ETV5: variants seen among roughly 807,000 people sequenced by gnomAD.
ETV5 encodes ETS variant transcription factor 5, also known as ETS translocation variant 5.
Under a neutral mutation model 70.0 loss-of-function variants are expected in ETV5, and 10 were observed. The observed-to-expected ratio is 0.14, with a 90% CI of 0.09 to 0.24. The LOEUF (loss-of-function observed/expected upper bound fraction) is 0.24. Among genes scored for constraint, ETV5 ranks in the 10% least tolerant of loss-of-function variants. The pLI, the probability that ETV5 is intolerant of heterozygous loss-of-function variation, is 1.00. For synonymous variants in ETV5, 216 were observed against 242.2 expected (o/e 0.89, Z 1.01); for missense variants, 453 against 651.2 (o/e 0.70, Z 3.31).
intron 7 of ETV5, chr3:186,079,168 A>G: frequency 2.3e-6 from 2 of 863,392 alleles, no homozygotes; most frequent in Non-Finnish European, 2.9e-6. Flanking sequence ...CTAGAATACC[A>G]CAGATAAAGA....
intron 5 of ETV5, among the ~76,000 whole-genome samples, chr3:186,085,838 C>T (rs916768569): frequency 6.6e-5 from 10 of 152,124 alleles, no homozygotes; most frequent in Admixed American, 1.3e-4. Flanking sequence ...CCTTGCCTCC[C>T]ATTCTAGCAT....
intron 5 of ETV5, among the ~76,000 whole-genome samples, chr3:186,085,850 C>A (rs1316501945): frequency 2.0e-5 from 3 of 152,148 alleles, no homozygotes; most frequent in Non-Finnish European, 2.9e-5. Context: ...TTCTAGCATT[C>A]CATCTAAAAG....
Position 186,080,244 on chromosome 3 carries a change from C to T in ETV5, c.363-140G>A, listed in dbSNP as rs925826176. ...AACATAGTTAAATCGCTCGTAGCCC[C>T]GAGGGGATATTTGTACCTCTGAAAA... On this transcript the variant is annotated intron_variant, in intron 6 of 12. Coordinates refer to ENST00000306376, the MANE Select transcript of ETV5 (RefSeq NM_004454.3). The T allele has an allele frequency of 1.2e-5, 7 of 590,476 alleles. No individual in the cohort carries two copies. The East Asian group carries it at 1.4e-4, about 12-fold the overall frequency. 36.6% of individuals were successfully genotyped at this position (590,476 alleles called of 1,614,324 possible). A position where few individuals can be genotyped will look rare whatever the true frequency, so the allele number is the denominator to read the frequency against.
intron 12 of ETV5, among the ~76,000 whole-genome samples, chr3:186,049,303 C>T (rs1467817557): frequency 6.6e-6 from 1 of 152,196 alleles, no homozygotes; most frequent in Non-Finnish European, 1.5e-5. Flanking sequence ...GAGAGCGAGC[C>T]TGCGCAGAAG....
intron 7 of ETV5, 82 bp from the exon 8 acceptor site, chr3:186,066,154 C>A: frequency 1.6e-6 from 2 of 1,233,986 alleles, no homozygotes; most frequent in Non-Finnish European, 2.2e-6. Flanking sequence ...CTAGAAGTTC[C>A]AATTAATGAA....
intron 5 of ETV5, among the ~76,000 whole-genome samples, chr3:186,095,555 C>T (rs745719820): frequency 1.7e-4 from 26 of 152,192 alleles, no homozygotes; most frequent in Non-Finnish European, 3.5e-4. Flanking sequence ...CAGAACCATT[C>T]CCTTCTATCT....
Position 186,052,596 on chromosome 3 carries a change from A to AG in ETV5, c.1210-466dup, listed in dbSNP as rs1013704917. On this transcript the variant is annotated intron_variant, in intron 11 of 12. Transcript: ENST00000306376. The surrounding 1 kb of genome is among the most constrained non-coding windows in gnomAD (Gnocchi z 4.5). ...AAAAGTTCAATTCTAATAAGATTGG[A>AG]GGGGGGCTGGGAGATGTTTACTTAT... Among the ~76,000 whole-genome samples the AG allele has an allele frequency of 6.6e-6, 1 of 152,150 alleles. No individual in the cohort carries two copies. Among genetic ancestry groups the AG allele is most frequent in the African/African-American group, 2.4e-5 (1 of 41,436 alleles).
chr3:186,091,591 A>G (rs977380705), intron 5 of ETV5, among the ~76,000 whole-genome samples: 3 of 152,214 alleles, frequency 2.0e-5, no homozygotes, highest in Non-Finnish European at 4.4e-5. Flanking sequence ...GATTTCTCCC[A>G]TGCAGTGGGA....
intron 8 of ETV5, 39 bp from the exon 9 acceptor site, chr3:186,064,515 GTTTC>G: frequency 6.2e-7 from 1 of 1,603,556 alleles, no homozygotes; most frequent in Non-Finnish European, 8.5e-7. Context: ...CCTGTCAATA[GTTTC>G]TGCAGCAGAA....
chr3:186,054,453 T>C lies in ETV5; in HGVS notation c.1210-2322A>G, dbSNP rs1713108702. Among the ~76,000 whole-genome samples the C allele has an allele frequency of 6.6e-6, 1 of 152,088 alleles. No individual in the cohort carries two copies. ...CTGCCACATGTTCAACAAACAACCC[T>C]ACCCCCCAAAATATTCATTAATGCA... is the stretch of plus-strand genomic sequence containing the variant. On this transcript the variant is annotated intron_variant, in intron 11 of 12. Transcript: ENST00000306376. This position sits in a 1 kb window ranked among gnomAD's most constrained non-coding sequence, Gnocchi z 4.4.
intron 7 of ETV5, among the ~76,000 whole-genome samples, chr3:186,067,341 A>C (rs1028572825): frequency 6.6e-6 from 1 of 152,272 alleles, no homozygotes; most frequent in Admixed American, 6.5e-5. Flanking sequence ...CTGAGGCAGA[A>C]GAATCGCTTG....
Position 186,079,980 on chromosome 3 carries a change from C to A in ETV5, c.487G>T (p.Ala163Ser). The A allele has an allele frequency of 1.3e-6, 2 of 1,583,472 alleles. No homozygotes were observed. The highest frequency in any genetic ancestry group is 1.2e-5 in the South Asian group (1 of 84,946). Residue 163 changes from alanine (A) to serine (S), a missense_variant, in exon 7 of 13, where the codon GCC (alanine) becomes TCC (serine). This residue lies in a region of ETV5 where 307 missense variants were observed against 344.9 expected (regional missense o/e 0.89). Transcript: ENST00000306376. ...CCTTGAACTGGGCCAGCTGCAGGGGCATGCCCTGAGGTGGGCAGAGTTGCC... is the reference window on the plus strand; with the variant it reads ...CCTTGAACTGGGCCAGCTGCAGGGGAATGCCCTGAGGTGGGCAGAGTTGCC... ...PQATLPTSGHAPAAGPVQGVG... is the reference protein window; with the variant it reads ...PQATLPTSGHSPAAGPVQGVG...
At chr3:186,099,697 C>T (rs149083453) in intron 5 of ETV5, among the ~76,000 whole-genome samples, 2 of 152,190 alleles carry the variant, frequency 1.3e-5, no homozygotes, top group Non-Finnish European at 2.9e-5. Flanking sequence ...GGAGACAGTA[C>T]ACATTTTCGG....
In ETV5 at chr3:186,048,595, G is replaced by A; in HGVS notation, c.*44C>T. The A allele has an allele frequency of 6.4e-7, 1 of 1,551,408 alleles. No individual in the cohort carries two copies. Among genetic ancestry groups the A allele is most frequent in the Non-Finnish European group, 8.9e-7 (1 of 1,124,338 alleles). ...ACCACTGCCCTTGTTTGCCTGAATG[G>A]GAACTGCTAGCTCTAGGGTTTGGCC... is the stretch of plus-strand genomic sequence containing the variant. On this transcript the variant is annotated 3_prime_UTR_variant, in exon 13 of 13. Coordinates refer to ENST00000306376, the MANE Select transcript of ETV5 (RefSeq NM_004454.3).
At chr3:186,087,373 T>A (rs1026679561) in intron 5 of ETV5, among the ~76,000 whole-genome samples, 1 of 152,004 alleles carries the variant, frequency 6.6e-6, no homozygotes, top group African/African-American at 2.4e-5. Context: ...GGCACAGGAG[T>A]CTTCTTATAG....
At chr3:186,074,336 T>C (rs1220478388) in intron 7 of ETV5, among the ~76,000 whole-genome samples, 5 of 152,168 alleles carry the variant, frequency 3.3e-5, no homozygotes, top group African/African-American at 1.2e-4. Context: ...TAATTAAAAA[T>C]CTTCCTACAA....
At chr3:186,049,252 C>T (rs1479644954) in intron 12 of ETV5, among the ~76,000 whole-genome samples, 1 of 152,186 alleles carries the variant, frequency 6.6e-6, no homozygotes, top group African/African-American at 2.4e-5. Flanking sequence ...TTACAGTCTT[C>T]ACAGTATGGC....
intron 7 of ETV5, chr3:186,078,939 T>G (rs942037334): frequency 4.5e-6 from 2 of 444,964 alleles, no homozygotes; most frequent in South Asian, 2.1e-4. Flanking sequence ...GGACCAGGCC[T>G]GGGAAAGGTA....
chr3:186,054,812 G>T lies in ETV5; in HGVS notation c.1209+2263C>A. On this transcript the variant is annotated intron_variant, in intron 11 of 12. Transcript: ENST00000306376. This position sits in a 1 kb window ranked among gnomAD's most constrained non-coding sequence, Gnocchi z 4.4. ...CCCTCACAGGTATACAAGGAGGGGT[G>T]GGGGGAGCTCAGCAAATGTCACCTG... Among the ~76,000 whole-genome samples the T allele has an allele frequency of 6.6e-6, 1 of 152,236 alleles. No individual in the cohort carries two copies. Among genetic ancestry groups the T allele is most frequent in the East Asian group, 1.9e-4 (1 of 5,184 alleles).
Sources: gnomAD v4.1 joint callset for allele counts (sites outside exome capture counted in the v4.1 genomes callset) on GRCh38, gnomAD v4.1.1 for gene constraint, gnomAD v4.1.1 regional missense constraint, Gnocchi (gnomAD v3.1) non-coding constraint, MANE v1.5 for transcripts, NCBI Gene and HGNC (gene_info 2026-07-23, HGNC 2026-07-21) for gene names.